Variants in SIK3 observed in about 807,000 individuals in gnomAD.
SIK3 encodes SIK family kinase 3.
Under a neutral mutation model 144.2 loss-of-function variants are expected in SIK3, and 28 were observed. That is an observed-to-expected ratio of 0.19 (90% CI 0.14 to 0.27). The LOEUF (loss-of-function observed/expected upper bound fraction) is 0.27. Among genes scored for constraint, SIK3 ranks in the 10% least tolerant of loss-of-function variants. SIK3 has a pLI of 1.00. For synonymous variants in SIK3, 686 were observed against 676.3 expected (o/e 1.01, Z -0.22); for missense variants, 1,319 against 1,776.0 (o/e 0.74, Z 4.62).
At chr11:116,938,652 AG>A (rs1948121539) in intron 3 of SIK3, among the ~76,000 whole-genome samples, 1 of 142,230 alleles carries the variant, frequency 7.0e-6, no homozygotes, top group African/African-American at 2.7e-5. Flanking sequence ...AGAGGAGAGG[AG>A]AGGAGAGGAG....
intron 4 of SIK3, among the ~76,000 whole-genome samples, chr11:116,913,886 T>C (rs756077921): frequency 2.0e-5 from 3 of 150,942 alleles, no homozygotes; most frequent in Non-Finnish European, 4.4e-5. Flanking sequence ...TGAGACTGTG[T>C]CTCAAAAAAA....
intron 2 of SIK3, among the ~76,000 whole-genome samples, chr11:116,954,474 A>G (rs1387007470): frequency 1.4e-5 from 2 of 145,018 alleles, no homozygotes; most frequent in Non-Finnish European, 3.0e-5. Flanking sequence ...GCCCTATCAA[A>G]TCAAAAAAAA....
intron 1 of SIK3, among the ~76,000 whole-genome samples, chr11:116,976,284 T>G (rs1949944101): frequency 6.6e-6 from 1 of 152,176 alleles, no homozygotes; most frequent in South Asian, 2.1e-4. Context: ...ACTGCCTAAC[T>G]CCAAATCAGG....
rs1242840490 is a variant in SIK3 at position 116,843,952 on chromosome 11, G to C, written c.*1691C>G. On this transcript the variant is annotated 3_prime_UTR_variant, in exon 25 of 25. Coordinates refer to ENST00000445177, the MANE Select transcript of SIK3 (RefSeq NM_001366686.3). ...AGTGGAGAAGGACAAGGTGCATGGG[G>C]ATCCCGCCAGCAACATCAGGATGGC... 1 of 152,184 alleles carries C rather than the reference G, an allele frequency of 6.6e-6. No individual in the cohort carries two copies. Among genetic ancestry groups the C allele is most frequent in the African/African-American group, 2.4e-5 (1 of 41,432 alleles). The allele number at this position is 152,184 out of a possible 1,614,324, so 9.4% of individuals were successfully genotyped here.
At chr11:117,082,707 G>A (rs2134024529) in intron 1 of SIK3, among the ~76,000 whole-genome samples, 1 of 152,218 alleles carries the variant, frequency 6.6e-6, no homozygotes, top group East Asian at 1.9e-4. Flanking sequence ...TTATAGTGAT[G>A]GTCGCACAGC....
chr11:116,943,088 C>A (rs510988), intron 3 of SIK3, among the ~76,000 whole-genome samples: 1 of 151,912 alleles, frequency 6.6e-6, no homozygotes, highest in African/African-American at 2.4e-5. Flanking sequence ...GTGGGCACCA[C>A]ATTCATGGAT....
intron 1 of SIK3, among the ~76,000 whole-genome samples, chr11:117,087,964 T>C (rs887489112): frequency 2.0e-5 from 3 of 152,210 alleles, no homozygotes; most frequent in African/African-American, 7.2e-5. Context: ...GCGTGATGGC[T>C]CACACCCGTA....
In SIK3 at chr11:116,847,546, C is replaced by G. The variant is rs765304137; in HGVS notation, c.3882G>C (p.Arg1294=). 7 of 1,614,072 alleles carry G rather than the reference C, an allele frequency of 4.3e-6. 1 individual carries two copies. In the South Asian group the frequency reaches 6.6e-5, roughly 15 times the overall value. ...LVAGKALSSA[R]MSDAVLSQSS... Reference sequence around the variant, plus strand: ...ACTGACTGAGAACTGCATCCGACATCCGGGCAGAGCTAAGTGCTTTCCCAG... The same window carrying G: ...ACTGACTGAGAACTGCATCCGACATGCGGGCAGAGCTAAGTGCTTTCCCAG... The change falls in exon 23 of 25, where the codon CGG becomes CGC. Residue 1294 remains arginine (R), a synonymous_variant. Coordinates refer to ENST00000445177, the MANE Select transcript of SIK3 (RefSeq NM_001366686.3).
chr11:117,052,428 A>G (rs895941333), intron 1 of SIK3, among the ~76,000 whole-genome samples: 1 of 152,242 alleles, frequency 6.6e-6, no homozygotes, highest in African/African-American at 2.4e-5. Context: ...AAACCTGACC[A>G]TAAGGGGCTT....
chr11:116,865,277 C>T (rs999306396), intron 15 of SIK3, among the ~76,000 whole-genome samples: 3 of 152,114 alleles, frequency 2.0e-5, no homozygotes, highest in African/African-American at 4.8e-5. Flanking sequence ...AGTAGCAATA[C>T]AGTCTTTCTG....
At position 116,870,413 on chromosome 11, in the gene SIK3, C is replaced by T. The variant is rs1449364247; in HGVS notation, c.1738-12G>A. On this transcript the variant is annotated splice_polypyrimidine_tract_variant and intron_variant, in intron 13 of 24. Transcript: ENST00000445177. ...ACTGCTGGCACTGCCTGAAGAGAGA[C>T]AGGAAGGAAAAGCTCAAGGTGGCAG... The T allele has an allele frequency of 1.2e-6, 2 of 1,612,098 alleles. No homozygotes were observed. Among genetic ancestry groups the T allele is most frequent in the East Asian group, 2.2e-5 (1 of 44,896 alleles).
intron 6 of SIK3, among the ~76,000 whole-genome samples, chr11:116,884,210 T>C (rs1349116846): frequency 2.6e-5 from 4 of 152,236 alleles, no homozygotes; most frequent in African/African-American, 7.2e-5. Flanking sequence ...TTTATTTTTA[T>C]TTTGAAATGG....
intron 9 of SIK3, 52 bp downstream of exon 9, chr11:116,875,814 T>TG: frequency 6.5e-7 from 1 of 1,548,060 alleles, no homozygotes; most frequent in Non-Finnish European, 8.7e-7. Flanking sequence ...AGCTAACCTT[T>TG]ACCCCCCTGG....
chr11:116,886,447 C>T (rs1944823447), intron 6 of SIK3, among the ~76,000 whole-genome samples: 1 of 152,148 alleles, frequency 6.6e-6, no homozygotes, highest in African/African-American at 2.4e-5. Context: ...AGTTGTTTGC[C>T]TCTAAGTAGA....
At chr11:116,851,042 T>TA (rs1323801645) in intron 21 of SIK3, among the ~76,000 whole-genome samples, 1 of 152,134 alleles carries the variant, frequency 6.6e-6, no homozygotes, top group East Asian at 1.9e-4. Flanking sequence ...ACTCTCTTAA[T>TA]ATGGGTTACT....
At chr11:117,037,784 A>C (rs1322549121) in intron 1 of SIK3, among the ~76,000 whole-genome samples, 5 of 135,260 alleles carry the variant, frequency 3.7e-5, no homozygotes, top group African/African-American at 1.6e-4. Context: ...AATCCAGCAG[A>C]AGAAGAAAAA....
chr11:116,983,291 G>A (rs1165149907), intron 1 of SIK3, among the ~76,000 whole-genome samples: 2 of 151,020 alleles, frequency 1.3e-5, no homozygotes, highest in Non-Finnish European at 2.9e-5. Flanking sequence ...CAGCACTTTG[G>A]AAGGCTGAGG....
At chr11:116,945,684 ACT>A (rs553607368) in intron 3 of SIK3, among the ~76,000 whole-genome samples, 26 of 151,940 alleles carry the variant, frequency 1.7e-4, no homozygotes, top group Non-Finnish European at 2.9e-4. Context: ...TGTCCTGTAA[ACT>A]CTAAACAGGA....
chr11:116,980,139 G>C (rs979705154), intron 1 of SIK3, among the ~76,000 whole-genome samples: 1 of 152,132 alleles, frequency 6.6e-6, no homozygotes, highest in Non-Finnish European at 1.5e-5. Context: ...CCCATCATAA[G>C]TTGAAATATT....
Sources: allele counts gnomAD v4.1 joint callset (sites outside exome capture counted in the v4.1 genomes callset), GRCh38; gene constraint gnomAD v4.1.1; transcripts MANE v1.5; gene names NCBI Gene and HGNC (gene_info 2026-07-23, HGNC 2026-07-21).